Variants in RYR2 observed in about 807,000 individuals in gnomAD.
RYR2 encodes ryanodine receptor 2, also known as cardiac muscle ryanodine receptor-calcium release channel.
In RYR2, 227 loss-of-function variants were observed where a neutral mutation model predicts 601.1. That is an observed-to-expected ratio of 0.38 (90% CI 0.34 to 0.42). RYR2 has a LOEUF of 0.42. Among genes scored for constraint, RYR2 ranks in the 10% least tolerant of loss-of-function variants. The probability of loss-of-function intolerance (pLI) is 1.00; values close to 1 mark genes in which losing one functional copy is unlikely to be tolerated. For missense variants in RYR2, 4,646 were observed against 6,156.5 expected, an observed-to-expected ratio of 0.75 and a Z score of 8.21; for synonymous variants, 2,223 against 2,175.1, an observed-to-expected ratio of 1.02 and a Z score of -0.61.
chr1:237,215,850 G>T (rs951554026), intron 1 of RYR2, among the ~76,000 whole-genome samples: 38 of 152,062 alleles, frequency 2.5e-4, no homozygotes, highest in Admixed American at 6.6e-5. Flanking sequence ...GTAAGCCTAG[G>T]GACTGAACTT....
At chr1:237,288,835 T>G (rs980197940) in intron 2 of RYR2, among the ~76,000 whole-genome samples, 15 of 152,224 alleles carry the variant, frequency 9.9e-5, no homozygotes, top group Admixed American at 9.2e-4. Context: ...AGGAGGCCTC[T>G]CACCCCATTC....
intron 1 of RYR2, among the ~76,000 whole-genome samples, chr1:237,222,433 TG>T (rs1211937617): frequency 6.7e-6 from 1 of 149,754 alleles, no homozygotes; most frequent in Non-Finnish European, 1.5e-5. Flanking sequence ...AAAGGAAGCT[TG>T]GGGCCAGTGG....
At chr1:237,508,061 T>G (rs1311465456) in intron 23 of RYR2, among the ~76,000 whole-genome samples, 1 of 152,138 alleles carries the variant, frequency 6.6e-6, no homozygotes. Context: ...CCTACCCGGT[T>G]TAAGCGATTC....
At chr1:237,533,206 A>T (rs1668295810) in intron 25 of RYR2, among the ~76,000 whole-genome samples, 1 of 152,186 alleles carries the variant, frequency 6.6e-6, no homozygotes, top group African/African-American at 2.4e-5. Context: ...CAGTCTATAT[A>T]CTGTCTCTAA....
chr1:237,174,364 T>G (rs1475091774), intron 1 of RYR2, among the ~76,000 whole-genome samples: 2 of 152,172 alleles, frequency 1.3e-5, no homozygotes, highest in African/African-American at 4.8e-5. Context: ...CTGGCTTATA[T>G]CCTCTTACAT....
At chr1:237,667,159 C>A (rs776125845) in intron 57 of RYR2, among the ~76,000 whole-genome samples, 7 of 152,070 alleles carry the variant, frequency 4.6e-5, no homozygotes, top group Admixed American at 4.6e-4. Context: ...TTTGAAATAG[C>A]AGATTTGAAA....
chr1:237,270,711 A>G (rs902870345), intron 2 of RYR2, 95 bp downstream of exon 2: 2 of 1,333,488 alleles, frequency 1.5e-6, no homozygotes, highest in Middle Eastern at 1.8e-4. Context: ...TGTGGAATAC[A>G]TACTATATAA....
Position 237,492,036 on chromosome 1 carries a change from T to C in RYR2, c.1827+112T>C, listed in dbSNP as rs956204004. On this transcript the variant is annotated intron_variant, in intron 18 of 104. Transcript: ENST00000366574. ...AAATTTTTCATGAGTGTTTTTAATCTCTTAATTATTTTTTGAGATGCAGTC... is the reference window on the plus strand; with the variant it reads ...AAATTTTTCATGAGTGTTTTTAATCCCTTAATTATTTTTTGAGATGCAGTC... The C allele has an allele frequency of 3.2e-5, 20 of 625,676 alleles. No individual in the cohort carries two copies. The African/African-American group carries it at 3.7e-4, about 12-fold the overall frequency. 38.8% of individuals were successfully genotyped at this position (625,676 alleles called of 1,614,324 possible).
At chr1:237,070,151 C>G (rs1212812811) in intron 1 of RYR2, among the ~76,000 whole-genome samples, 1 of 151,676 alleles carries the variant, frequency 6.6e-6, no homozygotes, top group Non-Finnish European at 1.5e-5. Context: ...CCACCTAGGC[C>G]TCTCAAAGTG....
intron 35 of RYR2, among the ~76,000 whole-genome samples, chr1:237,609,947 C>G (rs528480713): frequency 2.0e-5 from 3 of 151,778 alleles, no homozygotes; most frequent in African/African-American, 7.3e-5. Context: ...TTTTCCCCGC[C>G]TATTGTTAGA....
At chr1:237,049,383 G>A (rs60646220) in intron 1 of RYR2, among the ~76,000 whole-genome samples, 2 of 152,144 alleles carry the variant, frequency 1.3e-5, no homozygotes, top group Non-Finnish European at 2.9e-5. Context: ...AGAACATTGG[G>A]ATGAGGACCC....
intron 1 of RYR2, among the ~76,000 whole-genome samples, chr1:237,259,401 A>C (rs941831643): frequency 6.6e-6 from 1 of 151,958 alleles, no homozygotes; most frequent in South Asian, 2.1e-4. Flanking sequence ...TCAGCTACTC[A>C]GGAGGCTGAG....
chr1:237,798,265 A>G (rs1659512383), intron 97 of RYR2, 95 bp downstream of exon 97: 1 of 1,163,358 alleles, frequency 8.6e-7, no homozygotes. Context: ...CTTTCCTTCA[A>G]TGTCAGAAGA....
At chr1:237,292,850 C>T (rs1692376523) in intron 2 of RYR2, among the ~76,000 whole-genome samples, 1 of 152,092 alleles carries the variant, frequency 6.6e-6, no homozygotes, top group Non-Finnish European at 1.5e-5. Context: ...GATAACTGTA[C>T]TGCAACTGTG....
At chr1:237,233,129 T>C (rs1685170076) in intron 1 of RYR2, among the ~76,000 whole-genome samples, 1 of 152,154 alleles carries the variant, frequency 6.6e-6, no homozygotes, top group Non-Finnish European at 1.5e-5. Context: ...GTGTGAAGAT[T>C]GAAGAAACAC....
chr1:237,762,368 A>G (rs1693497055), intron 84 of RYR2, among the ~76,000 whole-genome samples: 1 of 152,220 alleles, frequency 6.6e-6, no homozygotes, highest in Non-Finnish European at 1.5e-5. Flanking sequence ...TACCTCCAGC[A>G]TCTCTCCAAA....
intron 1 of RYR2, among the ~76,000 whole-genome samples, chr1:237,064,938 C>T (rs962812491): frequency 5.3e-5 from 8 of 151,976 alleles, no homozygotes; most frequent in East Asian, 1.9e-4. Flanking sequence ...TCAGTACCAG[C>T]GTCTCTATCA....
chr1:237,829,674 C>T (rs1663557963), intron 102 of RYR2, among the ~76,000 whole-genome samples: 1 of 152,182 alleles, frequency 6.6e-6, no homozygotes, highest in African/African-American at 2.4e-5. Context: ...ATCAGTAAGG[C>T]AGGAAGAATT....
rs114437552 is a variant in RYR2 at position 237,645,760 on chromosome 1, C to T, written c.7342+2313C>T. On this transcript the variant is annotated intron_variant, in intron 48 of 104. Transcript: ENST00000366574. ...TCTTCAAATATATGCAGTATATTGT[C>T]TACATCGGGAGTCACAGTGGTTTGT... Among the ~76,000 whole-genome samples the T allele has an allele frequency of 3.3e-3, 507 of 151,994 alleles. 2 individuals carry two copies. Among genetic ancestry groups the T allele is most frequent in the African/African-American group, 0.012 (486 of 41,450 alleles).
Sources: gnomAD v4.1 joint callset for allele counts (sites outside exome capture counted in the v4.1 genomes callset) on GRCh38, gnomAD v4.1.1 for gene constraint, MANE v1.5 for transcripts, NCBI Gene and HGNC (gene_info 2026-07-23, HGNC 2026-07-21) for gene names.